SYNRG: variants seen among roughly 807,000 people sequenced by gnomAD.
SYNRG encodes AP1 gamma subunit binding protein 1.
SYNRG carries 37 observed loss-of-function variants against 130.9 expected under a neutral mutation model. The observed-to-expected ratio is 0.28, with a 90% confidence interval of 0.22 to 0.37. The LOEUF is 0.37. Among genes scored for constraint, SYNRG ranks in the 10% least tolerant of loss-of-function variants. The pLI, the probability that SYNRG is intolerant of heterozygous loss-of-function variation, is 1.00. For synonymous variants in SYNRG, 539 were observed against 568.1 expected (o/e 0.95, Z 0.73); for missense variants, 1,338 against 1,588.9 (o/e 0.84, Z 2.68).
At chr17:37,559,117 C>T (rs2059331730) in intron 13 of SYNRG, among the ~76,000 whole-genome samples, 1 of 152,186 alleles carries the variant, frequency 6.6e-6, no homozygotes, top group Non-Finnish European at 1.5e-5. Flanking sequence ...TCCTACCATC[C>T]TTTGGGCTCT....
Position 37,603,433 on chromosome 17 carries a change from A to C in SYNRG, c.78-3030T>G, listed in dbSNP as rs143540620. 2.3e-4 allele frequency among the ~76,000 whole-genome samples: 35 copies of C among 152,386 alleles called. No individual in the cohort carries two copies. In the Middle Eastern group the frequency reaches 0.01, roughly 44 times the overall value. On this transcript the variant is annotated intron_variant, in intron 1 of 21. Coordinates refer to ENST00000612223, the MANE Select transcript of SYNRG (RefSeq NM_007247.6). ...AGAAAGTTTTCAATTTACTGTGTCC[A>C]GTTCCATCAAAAGAATCACTATCTA...
chr17:37,568,668 A>C, intron 11 of SYNRG, 123 bp downstream of exon 11: 1 of 1,063,290 alleles, frequency 9.4e-7, no homozygotes, highest in Non-Finnish European at 1.3e-6. Flanking sequence ...AGAGGGAATA[A>C]ACACAGAAAG....
chr17:37,580,478 C>CGT (rs1341679385), intron 6 of SYNRG, among the ~76,000 whole-genome samples: 18,524 of 121,502 alleles, frequency 0.15, 1,447 homozygotes, highest in Middle Eastern at 0.24. Context: ...CTTTGTATTT[C>CGT]GTGTGTGTGT....
At chr17:37,603,014 CAGA>C (rs1208521570) in intron 1 of SYNRG, among the ~76,000 whole-genome samples, 23 of 152,020 alleles carry the variant, frequency 1.5e-4, no homozygotes, top group Admixed American at 3.3e-4. Context: ...GACAGAATGA[CAGA>C]AGGAGACTCT....
At chr17:37,541,757 G>T in intron 15 of SYNRG, 2 of 601,334 alleles carry the variant, frequency 3.3e-6, no homozygotes, top group South Asian at 4.3e-5. Flanking sequence ...TGCTGTGCTT[G>T]TTTTTAGCCC....
intron 6 of SYNRG, among the ~76,000 whole-genome samples, chr17:37,581,290 T>G (rs909504854): frequency 4.0e-5 from 6 of 151,656 alleles, no homozygotes; most frequent in African/African-American, 1.5e-4. Context: ...TTATTATTAT[T>G]ATTATGATAC....
intron 14 of SYNRG, among the ~76,000 whole-genome samples, chr17:37,548,531 T>C (rs1442079633): frequency 1.3e-5 from 2 of 151,988 alleles, no homozygotes; most frequent in East Asian, 1.9e-4. Context: ...CCTCATCTTC[T>C]TCTAGGCCGG....
In SYNRG at chr17:37,553,802, T is replaced by C. The variant is rs1849298550; in HGVS notation, c.1921A>G (p.Lys641Glu). 6.2e-7 allele frequency: 1 copy of C among 1,613,002 alleles called. No homozygotes were observed. Among genetic ancestry groups the C allele is most frequent in the Non-Finnish European group, 8.5e-7 (1 of 1,179,820 alleles). Residue 641 changes from lysine (K) to glutamate (E), a missense_variant, in exon 14 of 22, where the codon AAA becomes GAA. Lys to Glu is a moderately conservative substitution (Grantham distance 56, BLOSUM62 1). Coordinates refer to ENST00000612223, the MANE Select transcript of SYNRG (RefSeq NM_007247.6). ...LSFSAVFSTS[K>E]SVSTPQSTGS... ...GTTGACTGTGGTGTAGAAACTGATT[T>C]TGATGTGCTAAACACAGCTGAAAAA... is the stretch of plus-strand genomic sequence containing the variant.
intron 13 of SYNRG, among the ~76,000 whole-genome samples, chr17:37,558,028 T>C (rs2145550575): frequency 6.6e-6 from 1 of 152,332 alleles, no homozygotes; most frequent in African/African-American, 2.4e-5. Context: ...GGCCCAAGTG[T>C]TGATGAAAGC....
chr17:37,561,228 C>T lies in SYNRG; in HGVS notation c.1630G>A (p.Glu544Lys), dbSNP rs1363327349. The T allele has an allele frequency of 3.0e-5, 49 of 1,613,724 alleles. No individual in the cohort carries two copies. The highest frequency in any genetic ancestry group is 3.5e-5 in the Non-Finnish European group (41 of 1,179,958). Residue 544 changes from glutamate to lysine, a missense_variant, in exon 13 of 22, where the codon GAA (glutamate) becomes AAA (lysine). By Grantham distance (56) the Glu-to-Lys change is moderately conservative. Around this residue, in one of 3 missense-constraint regions of SYNRG, gnomAD observed 1,146 missense variants for 1,342.3 expected, o/e 0.85. Coordinates refer to ENST00000612223, the MANE Select transcript of SYNRG (RefSeq NM_007247.6). ...DPGDKYSAFR[E>K]LEQTAENKPL... is the part of the protein sequence containing the mutation. ...TTATTCTCTGCTGTCTGTTCAAGTT[C>T]TCTGAAAGCACTATATTTATCACCA...
At chr17:37,605,405 AT>A (rs2063663608) in intron 1 of SYNRG, among the ~76,000 whole-genome samples, 1 of 152,192 alleles carries the variant, frequency 6.6e-6, no homozygotes, top group South Asian at 2.1e-4. Flanking sequence ...GCTCTGTGCA[AT>A]CTCCTTTACC....
intron 21 of SYNRG, among the ~76,000 whole-genome samples, chr17:37,519,717 A>G (rs536893524): frequency 1.1e-4 from 17 of 152,242 alleles, no homozygotes; most frequent in Non-Finnish European, 2.4e-4. Context: ...GCTTATCAGT[A>G]AGCTACAGTC....
At position 37,606,162 on chromosome 17, in the gene SYNRG, C is replaced by T. The variant is rs552051448; in HGVS notation, c.77+3117G>A. On this transcript the variant is annotated intron_variant, in intron 1 of 21. Coordinates refer to ENST00000612223, the MANE Select transcript of SYNRG (RefSeq NM_007247.6). ...CAGTTTTATCTCACAAAACTCTTCT[C>T]TGCCACTCAGAGCCACAGTCATCTG... 9 of 266,634 alleles carry T rather than the reference C, an allele frequency of 3.4e-5. 1 individual carries two copies. The South Asian group carries it at 1.3e-3, about 38-fold the overall frequency. 16.5% of individuals were successfully genotyped at this position (266,634 alleles called of 1,614,324 possible).
chr17:37,523,167 C>T (rs2055360599), intron 19 of SYNRG, among the ~76,000 whole-genome samples: 1 of 151,970 alleles, frequency 6.6e-6, no homozygotes, highest in African/African-American at 2.4e-5. Context: ...TGTGTTTTGT[C>T]TTGCTTTTGA....
At chr17:37,581,063 A>T (rs1196343468) in intron 6 of SYNRG, among the ~76,000 whole-genome samples, 1 of 152,182 alleles carries the variant, frequency 6.6e-6, no homozygotes, top group Non-Finnish European at 1.5e-5. Context: ...AAACAACTAT[A>T]GTCAATTTAA....
At chr17:37,583,117 A>C (rs139830559) in intron 6 of SYNRG, among the ~76,000 whole-genome samples, 106 of 151,988 alleles carry the variant, frequency 7.0e-4, no homozygotes, top group African/African-American at 2.5e-3. Flanking sequence ...CAGCCTACCA[A>C]GTGACTGAGA....
chr17:37,583,090 A>C (rs1469188328), intron 6 of SYNRG, among the ~76,000 whole-genome samples: 1 of 151,412 alleles, frequency 6.6e-6, no homozygotes, highest in Non-Finnish European at 1.5e-5. Flanking sequence ...TCCCAGGTTC[A>C]AGCTATTCTC....
chr17:37,597,268 C>A (rs2062858509), intron 2 of SYNRG, among the ~76,000 whole-genome samples: 1 of 152,200 alleles, frequency 6.6e-6, no homozygotes, highest in Non-Finnish European at 1.5e-5. Context: ...GCAAGCCTGG[C>A]TGACATCTTC....
intron 8 of SYNRG, among the ~76,000 whole-genome samples, chr17:37,573,351 C>A (rs1237896739): frequency 1.3e-5 from 2 of 152,026 alleles, no homozygotes; most frequent in East Asian, 3.8e-4. Flanking sequence ...TGCAGTGAGC[C>A]GAGATTGCGC....
Sources: gnomAD v4.1 joint callset for allele counts (sites outside exome capture counted in the v4.1 genomes callset) on GRCh38, gnomAD v4.1.1 for gene constraint, gnomAD v4.1.1 regional missense constraint, MANE v1.5 for transcripts, NCBI Gene and HGNC (gene_info 2026-07-23, HGNC 2026-07-21) for gene names.